The following SNX24 variants were observed in gnomAD, a reference collection of about 807,000 sequenced individuals.
SNX24 encodes sorting nexin 24.
Under a neutral mutation model 28.7 loss-of-function variants are expected in SNX24, and 22 were observed. The ratio of observed to expected loss-of-function variants is 0.77; its 90% confidence interval spans 0.55 to 1.10. SNX24 has a LOEUF of 1.10. SNX24 is among the 50% of genes least tolerant of loss of function. The pLI is 0.00. For synonymous variants in SNX24, 69 were observed against 71.5 expected, an observed-to-expected ratio of 0.96 and a Z score of 0.18; for missense variants, 221 against 201.1, an observed-to-expected ratio of 1.10 and a Z score of -0.60.
At chr5:122,888,328 A>C (rs1325689371) in intron 1 of SNX24, among the ~76,000 whole-genome samples, 2 of 152,182 alleles carry the variant, frequency 1.3e-5, no homozygotes, top group Non-Finnish European at 2.9e-5. Context: ...GAGAGAGTAT[A>C]GCACAGTTAA....
At chr5:122,927,168 A>C (rs1758736603) in intron 1 of SNX24, among the ~76,000 whole-genome samples, 1 of 152,226 alleles carries the variant, frequency 6.6e-6, no homozygotes, top group Non-Finnish European at 1.5e-5. Context: ...TCCATGTTAT[A>C]GGTGAGGAAA....
intron 1 of SNX24, among the ~76,000 whole-genome samples, chr5:122,854,832 A>AT (rs952958816): frequency 6.6e-6 from 1 of 152,172 alleles, no homozygotes; most frequent in Admixed American, 6.5e-5. Flanking sequence ...AGTCACACTA[A>AT]TTTTTTGGTT....
chr5:122,997,732 C>T (rs1179107350), intron 3 of SNX24, among the ~76,000 whole-genome samples: 1 of 152,100 alleles, frequency 6.6e-6, no homozygotes, highest in Non-Finnish European at 1.5e-5. Flanking sequence ...AAAAGTGTCC[C>T]ACACTTGTTA....
At chr5:122,857,642 T>A (rs1005790787) in intron 1 of SNX24, among the ~76,000 whole-genome samples, 3 of 152,140 alleles carry the variant, frequency 2.0e-5, no homozygotes, top group Non-Finnish European at 4.4e-5. Context: ...CGCCCACTTA[T>A]AAGTGAGAAC....
rs747492593 is a variant in SNX24, at chr5:122,946,013, T to TG, written c.145-41dup. 5.4e-5 allele frequency: 46 copies of TG among 847,326 alleles called. No individual in the cohort carries two copies. In the African/African-American group the frequency reaches 8.9e-4, roughly 16 times the overall value. The allele number at this position is 847,326 out of a possible 1,614,324, so 52.5% of individuals were successfully genotyped here. ...TATCACTATAATTAACAGACATCTC[T>TG]GTTTTTTTTTTTCTTTTTCTTTTCC... On this transcript the variant is annotated intron_variant, in intron 2 of 6. Transcript: ENST00000261369.
chr5:123,020,606 A>T (rs1000069248), intron 5 of SNX24, among the ~76,000 whole-genome samples: 1 of 152,200 alleles, frequency 6.6e-6, no homozygotes, highest in South Asian at 2.1e-4. Context: ...CACATAAAAA[A>T]TTTTCAATAT....
At position 122,930,830 on chromosome 5, in the gene SNX24, A is replaced by C. The variant is rs113674062; in HGVS notation, c.61-5904A>C. ...ACATTTAATCACGTCCAACTCTTAC[A>C]TAGGTATTTTGTTGTGGCAATTATG... is the stretch of plus-strand genomic sequence containing the variant. On this transcript the variant is annotated intron_variant, in intron 1 of 6. Coordinates refer to ENST00000261369, the MANE Select transcript of SNX24 (RefSeq NM_014035.4). Among the ~76,000 whole-genome samples the C allele has an allele frequency of 4.3e-3, 650 of 152,316 alleles. 5 individuals are homozygous for C. The highest frequency in any genetic ancestry group is 0.015 in the African/African-American group (618 of 41,564).
At chr5:122,887,072 A>G (rs1756750808) in intron 1 of SNX24, among the ~76,000 whole-genome samples, 1 of 152,196 alleles carries the variant, frequency 6.6e-6, no homozygotes, top group African/African-American at 2.4e-5. Context: ...TTGCTAAAGT[A>G]TAGTTTATTA....
At chr5:122,988,220 C>T (rs1761686469) in intron 3 of SNX24, among the ~76,000 whole-genome samples, 2 of 152,246 alleles carry the variant, frequency 1.3e-5, no homozygotes, top group Non-Finnish European at 2.9e-5. Context: ...ACCTTTGTGT[C>T]TCCTGAGCTT....
intron 3 of SNX24, among the ~76,000 whole-genome samples, chr5:122,959,175 G>C (rs1760355939): frequency 2.0e-5 from 3 of 151,928 alleles, no homozygotes; most frequent in Admixed American, 2.0e-4. Context: ...ACTAGTTAGA[G>C]ACCTGTTCAG....
At chr5:122,990,481 A>G (rs1352247180) in intron 3 of SNX24, among the ~76,000 whole-genome samples, 4 of 152,202 alleles carry the variant, frequency 2.6e-5, no homozygotes, top group Admixed American at 2.6e-4. Context: ...GAGCTGGGTC[A>G]AAGTGTACAG....
intron 1 of SNX24, among the ~76,000 whole-genome samples, chr5:122,888,814 T>G (rs1371423259): frequency 1.3e-5 from 2 of 152,186 alleles, no homozygotes; most frequent in Non-Finnish European, 2.9e-5. Flanking sequence ...TCTGCCTGCT[T>G]CTGGTCTTGG....
rs898806360 is a variant in SNX24 at position 122,956,924 on chromosome 5, T to C, written c.249+10765T>C. Among the ~76,000 whole-genome samples, 3 of 152,204 alleles carry C rather than the reference T, an allele frequency of 2.0e-5. 1 individual carries two copies. The highest frequency in any genetic ancestry group is 6.5e-5 in the Admixed American group (1 of 15,286). ...AGTTTTAAGAGTTCTCTATATATTC[T>C]GGATATTCTTCCCTTATTATGTAAT... On this transcript the variant is annotated intron_variant, in intron 3 of 6. Transcript: ENST00000261369.
chr5:122,848,223 C>T (rs918638635), intron 1 of SNX24, among the ~76,000 whole-genome samples: 1 of 152,138 alleles, frequency 6.6e-6, no homozygotes, highest in African/African-American at 2.4e-5. Context: ...CCCCCTTGGC[C>T]TCTTGAGTAG....
At chr5:122,958,925 G>A (rs1052368474) in intron 3 of SNX24, among the ~76,000 whole-genome samples, 3 of 152,086 alleles carry the variant, frequency 2.0e-5, no homozygotes, top group African/African-American at 7.2e-5. Flanking sequence ...TTTTGCATCA[G>A]TGCTCGTCAG....
At position 122,920,302 on chromosome 5, in the gene SNX24, T is replaced by C. The variant is rs1758377362; in HGVS notation, c.61-16432T>C. 1.3e-5 allele frequency among the ~76,000 whole-genome samples: 2 copies of C among 152,176 alleles called. 1 individual carries two copies. The highest frequency in any genetic ancestry group is 2.9e-5 in the Non-Finnish European group (2 of 68,022). ...AGAAATTACACAAAGGATAGAGAAG[T>C]AAGGTAGCATAAGTAAGGTAGAGGA... is the stretch of plus-strand genomic sequence containing the variant. On this transcript the variant is annotated intron_variant, in intron 1 of 6. Transcript: ENST00000261369.
At chr5:123,001,360 A>G in intron 4 of SNX24, 45 bp from the exon 5 acceptor site, 1 of 1,319,752 alleles carries the variant, frequency 7.6e-7, no homozygotes, top group Non-Finnish European at 1.1e-6. Flanking sequence ...ACATTGACTC[A>G]ACATATGTGG....
At chr5:122,848,695 C>T (rs1040918368) in intron 1 of SNX24, among the ~76,000 whole-genome samples, 17 of 146,966 alleles carry the variant, frequency 1.2e-4, no homozygotes, top group Non-Finnish European at 2.2e-4. Flanking sequence ...GGTGACAGAG[C>T]AACACTCCAT....
At chr5:122,906,012 A>G (rs1039110701) in intron 1 of SNX24, among the ~76,000 whole-genome samples, 1 of 152,242 alleles carries the variant, frequency 6.6e-6, no homozygotes, top group African/African-American at 2.4e-5. Context: ...GGATGTGTAT[A>G]TCAACAAATA....
Sources: allele counts gnomAD v4.1 joint callset (sites outside exome capture counted in the v4.1 genomes callset), GRCh38; gene constraint gnomAD v4.1.1; transcripts MANE v1.5; gene names NCBI Gene and HGNC (gene_info 2026-07-23, HGNC 2026-07-21).